The following STIM1 variants were observed in gnomAD, a reference collection of about 807,000 sequenced individuals.
STIM1 encodes stromal interaction molecule 1.
In STIM1, 25 loss-of-function variants were observed where a neutral mutation model predicts 74.7. That is an observed-to-expected ratio of 0.33 (90% CI 0.24 to 0.47). The LOEUF (loss-of-function observed/expected upper bound fraction) is 0.47, where lower values mean the gene tolerates loss of function less well. Ranked by LOEUF, STIM1 falls within the 20% of genes least tolerant of loss-of-function variation. The probability of loss-of-function intolerance (pLI) is 1.00; values close to 1 mark genes in which losing one functional copy is unlikely to be tolerated. For missense variants in STIM1, 728 were observed against 920.8 expected (o/e 0.79, Z 2.71); for synonymous variants, 328 against 348.8 (o/e 0.94, Z 0.66).
intron 1 of STIM1, among the ~76,000 whole-genome samples, chr11:3,939,061 G>A (rs1244251700): frequency 6.6e-6 from 1 of 152,170 alleles, no homozygotes; most frequent in Non-Finnish European, 1.5e-5. Flanking sequence ...GAACTTTTCT[G>A]TATGACATAT....
intron 12 of STIM1, among the ~76,000 whole-genome samples, chr11:4,088,351 T>A (rs2094504798): frequency 1.3e-5 from 2 of 152,148 alleles, no homozygotes; most frequent in Non-Finnish European, 2.9e-5. Flanking sequence ...TTTTTTTAGT[T>A]CTATCTCACT....
intron 1 of STIM1, among the ~76,000 whole-genome samples, chr11:3,878,655 G>C (rs1298827397): frequency 6.6e-6 from 1 of 152,162 alleles, no homozygotes; most frequent in Non-Finnish European, 1.5e-5. Flanking sequence ...GAAGAGCTGG[G>C]ATTCAAATGC....
chr11:4,080,473 T>TTTG (rs2094459623), intron 7 of STIM1, among the ~76,000 whole-genome samples: 1 of 150,426 alleles, frequency 6.6e-6, no homozygotes, highest in Admixed American at 6.6e-5. Flanking sequence ...AACAGTTTTT[T>TTTG]TTTTTTTTTT....
At chr11:4,041,116 T>C (rs1316753012) in intron 3 of STIM1, among the ~76,000 whole-genome samples, 1 of 152,242 alleles carries the variant, frequency 6.6e-6, no homozygotes, top group Admixed American at 6.5e-5. Context: ...GGAGTGCTGT[T>C]ATTCAGAGCA....
At chr11:3,865,643 A>G (rs1456955081) in intron 1 of STIM1, among the ~76,000 whole-genome samples, 1 of 152,178 alleles carries the variant, frequency 6.6e-6, no homozygotes, top group Non-Finnish European at 1.5e-5. Flanking sequence ...AGCAATGAGG[A>G]ATCTGTTTGC....
intron 1 of STIM1, among the ~76,000 whole-genome samples, chr11:3,872,631 C>G (rs949409935): frequency 6.7e-6 from 1 of 150,148 alleles, no homozygotes; most frequent in Non-Finnish European, 1.5e-5. Flanking sequence ...ATGCCATTCT[C>G]CTGCCTCAGC....
rs774425074 is a variant in STIM1 at position 3,991,736 on chromosome 11, G to T, written c.270+24054G>T. ...GGCTGAGGCGGGTGGATCACCTGAG[G>T]TCGGGGTTCAAGACCAGCCTGACCA... On this transcript the variant is annotated intron_variant, in intron 2 of 12. Transcript: ENST00000526596. 3.1e-4 allele frequency among the ~76,000 whole-genome samples: 47 copies of T among 151,082 alleles called. 1 individual carries two copies. Among genetic ancestry groups the T allele is most frequent in the Non-Finnish European group, 4.6e-4 (31 of 67,726 alleles).
chr11:4,062,189 AATAG>A (rs1429634135), intron 5 of STIM1, among the ~76,000 whole-genome samples: 1 of 152,270 alleles, frequency 6.6e-6, no homozygotes, highest in African/African-American at 2.4e-5. Flanking sequence ...CAAAAGAAAG[AATAG>A]ATAAATTGGA....
intron 2 of STIM1, among the ~76,000 whole-genome samples, chr11:4,017,838 T>C (rs2093913040): frequency 6.6e-6 from 1 of 152,236 alleles, no homozygotes; most frequent in South Asian, 2.1e-4. Flanking sequence ...CACCATTAGC[T>C]CATGTTATTG....
chr11:3,960,681 A>G (rs1298867614), intron 1 of STIM1, among the ~76,000 whole-genome samples: 2 of 152,224 alleles, frequency 1.3e-5, no homozygotes, highest in African/African-American at 4.8e-5. Context: ...ATAGTCTCGT[A>G]TAAGGTATCC....
At chr11:3,949,569 G>A (rs2093120316) in intron 1 of STIM1, among the ~76,000 whole-genome samples, 1 of 152,180 alleles carries the variant, frequency 6.6e-6, no homozygotes, top group Non-Finnish European at 1.5e-5. Context: ...TCAACCAGTG[G>A]TTAGTAAAAG....
At chr11:3,929,553 T>G (rs544816003) in intron 1 of STIM1, among the ~76,000 whole-genome samples, 1 of 152,282 alleles carries the variant, frequency 6.6e-6, no homozygotes, top group East Asian at 1.9e-4. Flanking sequence ...AGACTTGGGC[T>G]TATAAATCAG....
intron 1 of STIM1, among the ~76,000 whole-genome samples, chr11:3,932,968 T>C (rs1433293197): frequency 6.6e-6 from 1 of 152,214 alleles, no homozygotes; most frequent in Non-Finnish European, 1.5e-5. Context: ...TTGTCCCCAG[T>C]AGAAAACATA....
chr11:3,994,468 T>TTC, intron 2 of STIM1, among the ~76,000 whole-genome samples: 1 of 150,138 alleles, frequency 6.7e-6, no homozygotes, highest in South Asian at 2.1e-4. Flanking sequence ...TCTTTCTTTT[T>TTC]TTTTTTTTTT....
At chr11:4,004,005 A>G (rs2093750370) in intron 2 of STIM1, among the ~76,000 whole-genome samples, 2 of 152,234 alleles carry the variant, frequency 1.3e-5, no homozygotes, top group South Asian at 4.1e-4. Context: ...TTCAAAGAGA[A>G]TAAAATACTT....
At chr11:4,069,196 C>T (rs993675592) in intron 5 of STIM1, among the ~76,000 whole-genome samples, 4 of 152,134 alleles carry the variant, frequency 2.6e-5, no homozygotes, top group Non-Finnish European at 4.4e-5. Flanking sequence ...TCCAGAAATG[C>T]CTCTCTCCTG....
In STIM1 at chr11:4,043,619, AATCT is replaced by A. The variant is rs143852938; in HGVS notation, c.386-11901_386-11898del. Among the ~76,000 whole-genome samples, 178 of 152,336 alleles carry A rather than the reference AATCT, an allele frequency of 1.2e-3. 2 individuals are homozygous for A. In the East Asian group the frequency reaches 0.031, roughly 27 times the overall value. ...TGTTTAATTTTTATGTGTGTTTTAC[AATCT>A]ATCTAATGTTAGTAAATGAATCTAA... is the stretch of plus-strand genomic sequence containing the variant. On this transcript the variant is annotated intron_variant, in intron 3 of 12. Transcript: ENST00000526596.
At chr11:3,871,571 G>C (rs1158147381) in intron 1 of STIM1, among the ~76,000 whole-genome samples, 2 of 152,114 alleles carry the variant, frequency 1.3e-5, no homozygotes, top group Non-Finnish European at 2.9e-5. Context: ...AGGAATACAA[G>C]ATTTTCTAAT....
intron 3 of STIM1, among the ~76,000 whole-genome samples, chr11:4,037,798 A>AATATGATTG (rs1271669017): frequency 5.9e-5 from 9 of 152,136 alleles, no homozygotes; most frequent in African/African-American, 2.2e-4. Context: ...TGATTAATCA[A>AATATGATTG]ATATGATTGA....
Sources: gnomAD v4.1 joint callset for allele counts (sites outside exome capture counted in the v4.1 genomes callset) on GRCh38, gnomAD v4.1.1 for gene constraint, MANE v1.5 for transcripts, NCBI Gene and HGNC (gene_info 2026-07-23, HGNC 2026-07-21) for gene names.